NXPE2: variants seen among roughly 807,000 people sequenced by gnomAD.
NXPE2 encodes neurexophilin and PC-esterase domain family member 2, also known as NXPE family member 2.
NXPE2 carries 34 observed loss-of-function variants against 34.4 expected under a neutral mutation model. That is an observed-to-expected ratio of 0.99 (90% CI 0.75 to 1.31). The LOEUF (loss-of-function observed/expected upper bound fraction) is 1.31. Ranked by LOEUF, NXPE2 falls within the 40% of genes most tolerant of loss-of-function variation. NXPE2 has a pLI of 0.00. For missense variants in NXPE2, 649 were observed against 672.5 expected (o/e 0.97, Z 0.39); for synonymous variants, 235 against 231.3 (o/e 1.02, Z -0.15).
the NXPE2 span, among the ~76,000 whole-genome samples, chr11:114,738,346 A>G: frequency 6.6e-6 from 1 of 152,184 alleles, no homozygotes; most frequent in Admixed American, 6.5e-5. Flanking sequence ...ACATAGACTC[A>G]GCCACCAGAG....
At chr11:114,714,286 C>A in the NXPE2 span, among the ~76,000 whole-genome samples, 3 of 152,138 alleles carry the variant, frequency 2.0e-5, no homozygotes, top group Non-Finnish European at 4.4e-5. Context: ...CAAAACTCAT[C>A]AAGTTGATAC....
chr11:114,803,445 A>G, the NXPE2 span, among the ~76,000 whole-genome samples: 1 of 152,224 alleles, frequency 6.6e-6, no homozygotes, highest in Non-Finnish European at 1.5e-5. Flanking sequence ...TATTTCTCAC[A>G]GTTCTGGAGG....
At chr11:114,744,838 A>T in the NXPE2 span, among the ~76,000 whole-genome samples, 1 of 152,196 alleles carries the variant, frequency 6.6e-6, no homozygotes, top group Admixed American at 6.5e-5. Context: ...TCACAATATT[A>T]TAAGTACGAA....
chr11:114,633,516 GGTTA>G, the NXPE2 span, among the ~76,000 whole-genome samples: 1 of 150,808 alleles, frequency 6.6e-6, no homozygotes, highest in Non-Finnish European at 1.5e-5. Flanking sequence ...ACAATGTGCA[GGTTA>G]GTTATCCATA....
At chr11:114,583,922 A>G in the NXPE2 span, 1 of 393,084 alleles carries the variant, frequency 2.5e-6, no homozygotes, top group Non-Finnish European at 5.0e-6. Context: ...ATATTATGCT[A>G]TTAACTATCT....
the NXPE2 span, among the ~76,000 whole-genome samples, chr11:114,466,656 A>G: frequency 4.6e-5 from 7 of 152,154 alleles, no homozygotes; most frequent in Non-Finnish European, 8.8e-5. Flanking sequence ...TTTTTCAAAA[A>G]TTAATTTGTA....
the NXPE2 span, among the ~76,000 whole-genome samples, chr11:114,600,142 A>G: frequency 6.6e-6 from 1 of 152,154 alleles, no homozygotes; most frequent in African/African-American, 2.4e-5. Flanking sequence ...AAGAAAAACA[A>G]GTTTATTTCC....
At chr11:114,625,007 C>A in the NXPE2 span, among the ~76,000 whole-genome samples, 1 of 152,046 alleles carries the variant, frequency 6.6e-6, no homozygotes. Flanking sequence ...CCACTGTTAC[C>A]TTGTGGATAG....
chr11:114,660,814 C>T, the NXPE2 span, among the ~76,000 whole-genome samples: 10 of 152,040 alleles, frequency 6.6e-5, no homozygotes, highest in African/African-American at 1.7e-4. Context: ...TACATATTTT[C>T]ACAGCCAATA....
At chr11:114,679,610 GTACTTATT>G in intron 1 of NXPE2, 39 bp from the exon 2 acceptor site, 1 of 1,189,324 alleles carries the variant, frequency 8.4e-7, no homozygotes, top group Non-Finnish European at 1.2e-6. Context: ...GAGCCATGTC[GTACTTATT>G]TGATTTAATG....
chr11:114,639,100 T>A, the NXPE2 span, among the ~76,000 whole-genome samples: 1 of 152,066 alleles, frequency 6.6e-6, no homozygotes, highest in African/African-American at 2.4e-5. Flanking sequence ...CAGCCCTCCT[T>A]GAGCTGTGGT....
the NXPE2 span, among the ~76,000 whole-genome samples, chr11:114,477,490 G>A: frequency 7.9e-5 from 12 of 151,954 alleles, no homozygotes; most frequent in Non-Finnish European, 1.3e-4. Context: ...AAATTTGGCA[G>A]GTATACCTTA....
At chr11:114,773,360 C>T in the NXPE2 span, among the ~76,000 whole-genome samples, 1 of 148,452 alleles carries the variant, frequency 6.7e-6, no homozygotes, top group Non-Finnish European at 1.5e-5. Context: ...ACAGCTGTGT[C>T]TTTAAGATGC....
At chr11:114,650,725 C>G in the NXPE2 span, among the ~76,000 whole-genome samples, 1 of 152,122 alleles carries the variant, frequency 6.6e-6, no homozygotes, top group South Asian at 2.1e-4. Flanking sequence ...CCACCCAAGA[C>G]CAACCATGGA....
the NXPE2 span, among the ~76,000 whole-genome samples, chr11:114,610,787 G>T: frequency 6.6e-6 from 1 of 152,030 alleles, no homozygotes; most frequent in South Asian, 2.1e-4. Context: ...TTACCCAGTG[G>T]ATAATAAGTA....
the NXPE2 span, among the ~76,000 whole-genome samples, chr11:114,764,171 C>A: frequency 6.6e-6 from 1 of 152,212 alleles, no homozygotes; most frequent in East Asian, 1.9e-4. Context: ...ATATATGTAT[C>A]AAATGCATCA....
chr11:114,585,537 G>C, the NXPE2 span, among the ~76,000 whole-genome samples: 1 of 151,864 alleles, frequency 6.6e-6, no homozygotes, highest in East Asian at 1.9e-4. Flanking sequence ...GAAAAAGAAG[G>C]TCATTATGTA....
chr11:114,744,482 T>C, the NXPE2 span, among the ~76,000 whole-genome samples: 185 of 152,310 alleles, frequency 1.2e-3, no homozygotes, highest in African/African-American at 4.2e-3. Context: ...TGGATGTTAC[T>C]TAGAGTACAA....
the NXPE2 span, among the ~76,000 whole-genome samples, chr11:114,500,950 A>G: frequency 6.6e-6 from 1 of 151,888 alleles, no homozygotes; most frequent in Admixed American, 6.6e-5. Context: ...CTTTTTCTGG[A>G]CTTTCTATTC....
Sources: allele counts gnomAD v4.1 joint callset (sites outside exome capture counted in the v4.1 genomes callset), GRCh38; gene constraint gnomAD v4.1.1; transcripts MANE v1.5; gene names NCBI Gene and HGNC (gene_info 2026-07-23, HGNC 2026-07-21).